The following WWC1 variants were observed in gnomAD, a reference collection of about 807,000 sequenced individuals.
WWC1 encodes the protein WW and C2 domain containing 1, also known as protein KIBRA.
A neutral mutation model predicts 138.4 loss-of-function variants in WWC1; 55 were observed. The observed-to-expected ratio is 0.40, with a 90% CI of 0.32 to 0.50. WWC1 has a LOEUF of 0.50. Among genes scored for constraint, WWC1 ranks in the 20% least tolerant of loss-of-function variants. The pLI is 0.72. For synonymous variants in WWC1, 524 were observed against 564.9 expected (o/e 0.93, Z 1.03); for missense variants, 1,226 against 1,420.4 (o/e 0.86, Z 2.20).
chr5:168,452,881 A>C (rs985413936), intron 17 of WWC1, among the ~76,000 whole-genome samples: 3 of 152,174 alleles, frequency 2.0e-5, no homozygotes, highest in Non-Finnish European at 4.4e-5. Flanking sequence ...GCAGGTGAAC[A>C]GATCTAAACA....
intron 1 of WWC1, among the ~76,000 whole-genome samples, chr5:168,294,454 G>A (rs549263239): frequency 7.9e-5 from 12 of 152,060 alleles, no homozygotes; most frequent in Admixed American, 6.6e-5. Flanking sequence ...GTATATTTTA[G>A]CTAGGTACTG....
chr5:168,392,015 G>C (rs902322673), intron 3 of WWC1, among the ~76,000 whole-genome samples: 6 of 151,982 alleles, frequency 3.9e-5, no homozygotes, highest in Non-Finnish European at 8.8e-5. Context: ...GTCTCAAAGA[G>C]GAATGGGTAA....
intron 1 of WWC1, among the ~76,000 whole-genome samples, chr5:168,364,791 C>T (rs1776161732): frequency 6.6e-6 from 1 of 152,190 alleles, no homozygotes; most frequent in South Asian, 2.1e-4. Context: ...GCCGCCAAAG[C>T]TGACCTCCGC....
chr5:168,342,078 AGGCACTGAAATT>A (rs1378138359), intron 1 of WWC1, among the ~76,000 whole-genome samples: 1 of 152,214 alleles, frequency 6.6e-6, no homozygotes, highest in Non-Finnish European at 1.5e-5. Flanking sequence ...GGGCATCTTC[AGGCACTGAAATT>A]GGCACTGAAT....
At chr5:168,408,790 C>T in intron 7 of WWC1, 137 bp downstream of exon 7, 1 of 1,203,454 alleles carries the variant, frequency 8.3e-7, no homozygotes, top group Non-Finnish European at 1.2e-6. Context: ...CTGCCTCAGC[C>T]CTCTGGAGCT....
intron 6 of WWC1, among the ~76,000 whole-genome samples, chr5:168,406,816 C>A (rs551788726): frequency 1.3e-5 from 2 of 151,882 alleles, no homozygotes; most frequent in Non-Finnish European, 2.9e-5. Flanking sequence ...GTGGCGGGCG[C>A]CTGTAGTCCC....
intron 1 of WWC1, among the ~76,000 whole-genome samples, chr5:168,370,985 C>T (rs572397255): frequency 5.3e-5 from 8 of 152,276 alleles, no homozygotes; most frequent in South Asian, 2.1e-4. Context: ...GCATGACAGG[C>T]GTGAGACAGA....
In WWC1 at chr5:168,292,536, A is replaced by C. The variant is rs1212808560; in HGVS notation, c.119+265A>C. ...TTGGAGGACTTAGGCCCCAGCCGGC[A>C]CCTGCCCGGAGTTTTGACCTTAAGC... On this transcript the variant is annotated intron_variant, in intron 1 of 22. Transcript: ENST00000265293. This position sits in a 1 kb window ranked among gnomAD's most constrained non-coding sequence, Gnocchi z 4.4. Among the ~76,000 whole-genome samples the C allele has an allele frequency of 1.3e-5, 2 of 151,688 alleles. No individual in the cohort carries two copies. Among genetic ancestry groups the C allele is most frequent in the Admixed American group, 1.3e-4 (2 of 15,246 alleles).
rs762004252 is a variant in WWC1 at position 168,385,305 on chromosome 5, T to C, written c.324T>C (p.Ser108=). The part of the protein sequence containing the change: ...DYLVVAQEAL[S]AQKEIYQVKQ... ...TGGTGGTGGCCCAGGAGGCTCTGAG[T>C]GCACAAAAGGAGATCTACCAGGTGA... The change falls in exon 3 of 23, where the codon AGT becomes AGC. Residue 108 remains serine, a synonymous_variant. Transcript: ENST00000265293. The C allele has an allele frequency of 6.2e-7, 1 of 1,613,812 alleles. No individual in the cohort carries two copies. Among genetic ancestry groups the C allele is most frequent in the Non-Finnish European group, 8.5e-7 (1 of 1,179,936 alleles).
chr5:168,408,152 G>A (rs1459056218), intron 6 of WWC1, among the ~76,000 whole-genome samples: 2 of 151,318 alleles, frequency 1.3e-5, no homozygotes. Flanking sequence ...ACAGGCATGA[G>A]CACCCAGCTG....
chr5:168,434,615 T>A (rs1782212471), intron 15 of WWC1, among the ~76,000 whole-genome samples: 2 of 152,180 alleles, frequency 1.3e-5, no homozygotes, highest in African/African-American at 4.8e-5. Context: ...AGCCTGGATT[T>A]GAACAGAGAC....
At chr5:168,415,939 C>G (rs373817433) in intron 9 of WWC1, 9 of 151,712 alleles carry the variant, frequency 5.9e-5, no homozygotes, top group African/African-American at 1.7e-4. Context: ...GTCTATGAAG[C>G]AAGTAAACGT....
At chr5:168,427,548 A>ATTTTTTTTTTTTTTTTTTT (rs34177139) in intron 11 of WWC1, among the ~76,000 whole-genome samples, 3 of 101,150 alleles carry the variant, frequency 3.0e-5, no homozygotes, top group Non-Finnish European at 5.6e-5. Context: ...CTTTTTTTTA[A>ATTTTTTTTTTTTTTTTTTT]TTTTTTTTTT....
In WWC1 at chr5:168,431,461, G is replaced by GCTGT. The variant is rs774236111; in HGVS notation, c.2280+20_2280+21insTCTG. The GCTGT allele has an allele frequency of 2.7e-3, 61 of 22,494 alleles. No individual in the cohort carries two copies. Among genetic ancestry groups the GCTGT allele is most frequent in the Non-Finnish European group, 3.0e-3 (59 of 19,942 alleles). 1.4% of individuals were successfully genotyped at this position (22,494 alleles called of 1,614,324 possible). A position where few individuals can be genotyped will look rare whatever the true frequency, so the allele number is the denominator to read the frequency against. On this transcript the variant is annotated intron_variant, in intron 15 of 22. Coordinates refer to ENST00000265293, the MANE Select transcript of WWC1 (RefSeq NM_015238.3). ...GAGTGCCTGGTAAGGGCCGTGTCTG[G>GCTGT]CTGGCTGGCTGGCTGGCTGGCTGGC...
chr5:168,363,482 G>A (rs1417753428), intron 1 of WWC1, among the ~76,000 whole-genome samples: 1 of 121,316 alleles, frequency 8.2e-6, no homozygotes, highest in Admixed American at 1.1e-4. Flanking sequence ...CTTAGATCAC[G>A]CCACTGTACT....
At chr5:168,454,455 C>G (rs1228363315) in intron 18 of WWC1, among the ~76,000 whole-genome samples, 1 of 152,206 alleles carries the variant, frequency 6.6e-6, no homozygotes, top group African/African-American at 2.4e-5. Flanking sequence ...AAAATGGGCA[C>G]AATAATACCA....
chr5:168,376,187 G>A (rs1335076362), intron 2 of WWC1, among the ~76,000 whole-genome samples: 1 of 151,864 alleles, frequency 6.6e-6, no homozygotes, highest in Non-Finnish European at 1.5e-5. Context: ...CTGAATAGCT[G>A]GAATTACAGG....
At chr5:168,403,050 CTTTCTTTCTTTCTTTCTTTCTTTCTTTCT>C (rs1561712278) in intron 5 of WWC1, among the ~76,000 whole-genome samples, 1 of 131,274 alleles carries the variant, frequency 7.6e-6, no homozygotes, top group East Asian at 2.1e-4. Context: ...TTCTTTCTTT[CTTTCTTTCTTTCTTTCTTTCTTTCTTTCT>C]TTTCTTTCTT....
At chr5:168,339,997 CTT>C (rs1408274477) in intron 1 of WWC1, among the ~76,000 whole-genome samples, 22 of 102,094 alleles carry the variant, frequency 2.2e-4, no homozygotes, top group African/African-American at 5.6e-4. Flanking sequence ...CTCTCTCTCT[CTT>C]TCTCTCTTTC....
Sources: gnomAD v4.1 joint callset for allele counts (sites outside exome capture counted in the v4.1 genomes callset) on GRCh38, gnomAD v4.1.1 for gene constraint, Gnocchi (gnomAD v3.1) non-coding constraint, MANE v1.5 for transcripts, NCBI Gene and HGNC (gene_info 2026-07-23, HGNC 2026-07-21) for gene names.